TOGARAM1: variants seen among roughly 807,000 people sequenced by gnomAD.
The protein encoded by TOGARAM1 is TOG array regulator of axonemal microtubules protein 1.
TOGARAM1 carries 100 observed loss-of-function variants against 166.6 expected under a neutral mutation model. The ratio of observed to expected loss-of-function variants is 0.60; its 90% confidence interval spans 0.51 to 0.71. TOGARAM1 has a LOEUF of 0.71. Ranked by LOEUF, TOGARAM1 falls within the 30% of genes least tolerant of loss-of-function variation. TOGARAM1 has a pLI of 0.00. For missense variants in TOGARAM1, 2,029 were observed against 2,102.7 expected, an observed-to-expected ratio of 0.96 and a Z score of 0.69; for synonymous variants, 758 against 763.8, an observed-to-expected ratio of 0.99 and a Z score of 0.13.
chr14:45,055,235 A>T, intron 16 of TOGARAM1, among the ~76,000 whole-genome samples: 1 of 152,178 alleles, frequency 6.6e-6, no homozygotes, highest in East Asian at 1.9e-4. Context: ...TTTTTATATA[A>T]GGTGAGAGAT....
At chr14:44,987,090 C>T (rs999052544) in intron 1 of TOGARAM1, among the ~76,000 whole-genome samples, 1 of 151,580 alleles carries the variant, frequency 6.6e-6, no homozygotes, top group African/African-American at 2.4e-5. Flanking sequence ...TAGTTTTAGC[C>T]TGCCACCACA....
At chr14:45,045,721 A>T (rs550985474) in intron 13 of TOGARAM1, among the ~76,000 whole-genome samples, 1 of 139,314 alleles carries the variant, frequency 7.2e-6, no homozygotes, top group African/African-American at 2.7e-5. Flanking sequence ...ATATACACAT[A>T]TATACACATA....
intron 7 of TOGARAM1, among the ~76,000 whole-genome samples, chr14:45,019,744 G>A (rs371539227): frequency 3.3e-5 from 5 of 152,236 alleles, no homozygotes; most frequent in African/African-American, 9.6e-5. Context: ...AGGTGGATGC[G>A]GTCACCTTCC....
Position 44,963,983 on chromosome 14 carries a change from A to G in TOGARAM1, c.1562A>G (p.Asp521Gly). The stretch of plus-strand genomic sequence containing the variant: ...TTTGATCTTGCCCCAGCTCTTGTAG[A>G]TAGCAAACGCAGGGTACGCCAAGCA... ...LSFDLAPALV[D>G]SKRRVRQAAL... The change falls in exon 1 of 20, where the codon GAT becomes GGT. Residue 521 changes from aspartate (D) to glycine (G), a missense_variant. Asp to Gly is a moderately conservative substitution (Grantham distance 94, BLOSUM62 -1). Transcript: ENST00000361462. 1.2e-5 allele frequency: 19 copies of G among 1,614,198 alleles called. No individual in the cohort carries two copies. The highest frequency in any genetic ancestry group is 1.5e-5 in the Non-Finnish European group (18 of 1,180,040).
At chr14:45,010,298 C>T (rs761433809) in intron 6 of TOGARAM1, among the ~76,000 whole-genome samples, 18 of 152,118 alleles carry the variant, frequency 1.2e-4, no homozygotes, top group Non-Finnish European at 2.6e-4. Flanking sequence ...TTGTTTTGTA[C>T]TTGGAAGTTT....
At chr14:45,041,667 A>C (rs942077905) in intron 11 of TOGARAM1, among the ~76,000 whole-genome samples, 1 of 152,228 alleles carries the variant, frequency 6.6e-6, no homozygotes, top group Non-Finnish European at 1.5e-5. Flanking sequence ...CCCTCTTCCT[A>C]ATCTGAAATA....
chr14:45,002,848 G>A (rs957313118), intron 3 of TOGARAM1, among the ~76,000 whole-genome samples: 2 of 152,022 alleles, frequency 1.3e-5, no homozygotes, highest in Admixed American at 6.6e-5. Flanking sequence ...ACATGGTGGC[G>A]GGCACCTATC....
chr14:45,028,889 GAAAT>G (rs1326131671), intron 10 of TOGARAM1, among the ~76,000 whole-genome samples: 2 of 151,896 alleles, frequency 1.3e-5, no homozygotes, highest in African/African-American at 2.4e-5. Context: ...ATATTATTAA[GAAAT>G]AAACTGAAAT....
At chr14:44,966,995 A>G (rs901602125) in intron 1 of TOGARAM1, among the ~76,000 whole-genome samples, 2 of 151,852 alleles carry the variant, frequency 1.3e-5, no homozygotes, top group African/African-American at 4.8e-5. Flanking sequence ...CATGATGCCT[A>G]GCCTTACTTT....
At chr14:45,040,580 C>G (rs951558139) in intron 11 of TOGARAM1, among the ~76,000 whole-genome samples, 1 of 152,098 alleles carries the variant, frequency 6.6e-6, no homozygotes, top group Non-Finnish European at 1.5e-5. Flanking sequence ...AGAAAAATTA[C>G]AAACATGAAG....
chr14:45,072,517 C>A (rs745995469), intron 19 of TOGARAM1, among the ~76,000 whole-genome samples: 6 of 151,964 alleles, frequency 3.9e-5, no homozygotes, highest in Non-Finnish European at 5.9e-5. Context: ...ACCTCCGCCT[C>A]CTGGGTTCAA....
At chr14:44,987,088 G>A (rs1399668520) in intron 1 of TOGARAM1, among the ~76,000 whole-genome samples, 1 of 151,370 alleles carries the variant, frequency 6.6e-6, no homozygotes, top group African/African-American at 2.4e-5. Flanking sequence ...TTTAGTTTTA[G>A]CCTGCCACCA....
chr14:45,031,936 G>A (rs961207713), intron 10 of TOGARAM1, among the ~76,000 whole-genome samples: 12 of 152,142 alleles, frequency 7.9e-5, no homozygotes, highest in South Asian at 2.1e-4. Context: ...GAGGCGGATG[G>A]ATTGCTTGAG....
At chr14:45,004,959 GT>G (rs1887879137) in intron 4 of TOGARAM1, among the ~76,000 whole-genome samples, 1 of 150,902 alleles carries the variant, frequency 6.6e-6, no homozygotes, top group Non-Finnish European at 1.5e-5. Flanking sequence ...TTTCGCTCTT[GT>G]TGCCCAGACT....
At chr14:44,992,762 C>T (rs916809190) in intron 1 of TOGARAM1, among the ~76,000 whole-genome samples, 16 of 151,454 alleles carry the variant, frequency 1.1e-4, no homozygotes, top group African/African-American at 3.6e-4. Flanking sequence ...GGACTACAGG[C>T]GCCTGCCACC....
rs1449489318 is a variant in TOGARAM1, at chr14:44,964,084, A to T, written c.1663A>T (p.Thr555Ser). 1 of 1,614,174 alleles carries T rather than the reference A, an allele frequency of 6.2e-7. No homozygotes were observed. Among genetic ancestry groups the T allele is most frequent in the South Asian group, 1.1e-5 (1 of 91,084 alleles). The change falls in exon 1 of 20, where the codon ACA becomes TCA. Residue 555 changes from threonine to serine, a missense_variant. By Grantham distance (58) the Thr-to-Ser change is moderately conservative. This residue lies in a region of TOGARAM1 where 1,453 missense variants were observed against 1,432.2 expected (regional missense o/e 1.01). Coordinates refer to ENST00000361462, the MANE Select transcript of TOGARAM1 (RefSeq NM_001308120.2). ...KTSILFKAVD[T>S]VELQDNGDGV... ...CAGCATCCTTTTTAAAGCTGTGGAT[A>T]CAGTTGAACTGCAAGATAATGGAGA... is the stretch of plus-strand genomic sequence containing the variant.
intron 1 of TOGARAM1, among the ~76,000 whole-genome samples, chr14:44,988,061 C>T (rs919804413): frequency 7.0e-6 from 1 of 143,204 alleles, no homozygotes; most frequent in South Asian, 2.2e-4. Context: ...ACAATGAGAA[C>T]ACTTGGACAC....
rs1221400441 is a variant in TOGARAM1 at position 45,009,052 on chromosome 14, C to T, written c.3044C>T (p.Ser1015Leu). Reference protein sequence around the residue: ...LTMDSPSLSSSPNINSYSESG... With the variant: ...LTMDSPSLSSLPNINSYSESG... ...ATGGACTCCCCGTCTCTGTCTTCCT[C>T]ACCAAACATCAATTCTTACAGTGAA... is the stretch of plus-strand genomic sequence containing the variant. Residue 1015 changes from serine to leucine, a missense_variant, in exon 6 of 20, where the codon TCA becomes TTA. Transcript: ENST00000361462. 1.2e-6 allele frequency: 2 copies of T among 1,613,974 alleles called. No individual in the cohort carries two copies. Among genetic ancestry groups the T allele is most frequent in the African/African-American group, 2.7e-5 (2 of 74,912 alleles).
intron 7 of TOGARAM1, among the ~76,000 whole-genome samples, chr14:45,014,009 A>G (rs1015058862): frequency 4.0e-5 from 6 of 150,576 alleles, no homozygotes; most frequent in Non-Finnish European, 1.5e-5. Context: ...ATACTTATAT[A>G]TGCAATATTT....
Sources: gnomAD v4.1 joint callset for allele counts (sites outside exome capture counted in the v4.1 genomes callset) on GRCh38, gnomAD v4.1.1 for gene constraint, gnomAD v4.1.1 regional missense constraint, MANE v1.5 for transcripts, NCBI Gene and HGNC (gene_info 2026-07-23, HGNC 2026-07-21) for gene names.